The following CTIF variants were observed in gnomAD, a reference collection of about 807,000 sequenced individuals.
The protein encoded by CTIF is CBP80/20-dependent translation initiation factor.
Under a neutral mutation model 66.0 loss-of-function variants are expected in CTIF, and 21 were observed. That is an observed-to-expected ratio of 0.32 (90% CI 0.23 to 0.46). The LOEUF (loss-of-function observed/expected upper bound fraction) is 0.46, where lower values mean the gene tolerates loss of function less well. Among genes scored for constraint, CTIF ranks in the 20% least tolerant of loss-of-function variants. The probability of loss-of-function intolerance (pLI) is 1.00; values close to 1 mark genes in which losing one functional copy is unlikely to be tolerated. For synonymous variants in CTIF, 345 were observed against 326.4 expected (o/e 1.06, Z -0.62); for missense variants, 739 against 812.7 (o/e 0.91, Z 1.10).
intron 7 of CTIF, among the ~76,000 whole-genome samples, chr18:48,721,771 A>T (rs1250189620): frequency 6.7e-6 from 1 of 149,964 alleles, no homozygotes; most frequent in Non-Finnish European, 1.5e-5. Flanking sequence ...CTGTCCTGAC[A>T]CTCACTCCTG....
chr18:48,623,438 C>T (rs1199776643), intron 2 of CTIF, among the ~76,000 whole-genome samples: 2 of 152,104 alleles, frequency 1.3e-5, no homozygotes, highest in Admixed American at 1.3e-4. Flanking sequence ...GGCCCACTCT[C>T]AGGAAGGCCA....
At chr18:48,765,907 ATTTC>A (rs1371269567) in intron 9 of CTIF, among the ~76,000 whole-genome samples, 1 of 132,910 alleles carries the variant, frequency 7.5e-6, no homozygotes, top group African/African-American at 3.1e-5. Flanking sequence ...TTAAACAGAC[ATTTC>A]TTTTTTTTTT....
At chr18:48,739,840 C>T (rs940715449) in intron 7 of CTIF, among the ~76,000 whole-genome samples, 12 of 152,190 alleles carry the variant, frequency 7.9e-5, no homozygotes, top group African/African-American at 1.9e-4. Flanking sequence ...AATATTTACC[C>T]GTCGGCTCCT....
intron 2 of CTIF, among the ~76,000 whole-genome samples, chr18:48,626,000 C>CTTT (rs74174709): frequency 0.04 from 4,371 of 108,980 alleles, 197 homozygotes; most frequent in South Asian, 0.11. Context: ...CTTTTTCTTT[C>CTTT]TTTTTTTTTT....
intron 1 of CTIF, among the ~76,000 whole-genome samples, chr18:48,571,712 G>A (rs1256703511): frequency 2.0e-5 from 3 of 151,912 alleles, no homozygotes; most frequent in South Asian, 4.2e-4. Context: ...CCCTATTTCT[G>A]GATGTTTGGG....
intron 9 of CTIF, among the ~76,000 whole-genome samples, chr18:48,787,389 A>C (rs1911808844): frequency 6.6e-6 from 1 of 152,140 alleles, no homozygotes; most frequent in Non-Finnish European, 1.5e-5. Context: ...AAGGGAGAGA[A>C]GGAGGAAGGG....
intron 1 of CTIF, among the ~76,000 whole-genome samples, chr18:48,582,856 T>C (rs915065492): frequency 2.0e-5 from 3 of 152,104 alleles, no homozygotes; most frequent in Non-Finnish European, 4.4e-5. Flanking sequence ...CCACATCTAG[T>C]GAGGGGCAGA....
intron 6 of CTIF, among the ~76,000 whole-genome samples, chr18:48,680,353 G>A (rs1201946585): frequency 4.6e-5 from 7 of 152,238 alleles, no homozygotes; most frequent in African/African-American, 7.2e-5. Context: ...AGGGAGCTGG[G>A]ACAGTAGGCT....
chr18:48,646,397 T>C (rs913184604), intron 3 of CTIF, among the ~76,000 whole-genome samples: 5 of 151,320 alleles, frequency 3.3e-5, no homozygotes, highest in Non-Finnish European at 7.4e-5. Context: ...ATCAGAATGG[T>C]TAAAATAATT....
intron 2 of CTIF, among the ~76,000 whole-genome samples, chr18:48,627,373 TAGA>T (rs544791863): frequency 1.4e-3 from 217 of 152,158 alleles, no homozygotes; most frequent in Non-Finnish European, 1.3e-3. Flanking sequence ...AATGGGATGT[TAGA>T]AGGTGATGAA....
chr18:48,704,995 G>A (rs754144697), intron 6 of CTIF, among the ~76,000 whole-genome samples: 2 of 152,168 alleles, frequency 1.3e-5, no homozygotes, highest in African/African-American at 4.8e-5. Flanking sequence ...AGTGCATGCT[G>A]ACCACCTCGG....
chr18:48,557,497 C>T (rs2089050782), intron 1 of CTIF, among the ~76,000 whole-genome samples: 1 of 152,198 alleles, frequency 6.6e-6, no homozygotes, highest in African/African-American at 2.4e-5. Flanking sequence ...CGTGGAGAGA[C>T]CTGTCCTGGG....
chr18:48,714,379 T>TCC (rs36117762), intron 7 of CTIF, among the ~76,000 whole-genome samples: 1 of 151,958 alleles, frequency 6.6e-6, no homozygotes, highest in East Asian at 1.9e-4. Context: ...GCCTCTGATC[T>TCC]CCCCCCACCA....
intron 7 of CTIF, among the ~76,000 whole-genome samples, chr18:48,744,653 CA>C (rs1451077089): frequency 6.6e-6 from 1 of 152,016 alleles, no homozygotes; most frequent in East Asian, 1.9e-4. Flanking sequence ...GACTTTTTTT[CA>C]TAACCACAAT....
intron 6 of CTIF, among the ~76,000 whole-genome samples, chr18:48,701,141 A>C (rs1598894707): frequency 6.6e-6 from 1 of 152,186 alleles, no homozygotes; most frequent in African/African-American, 2.4e-5. Context: ...GCCAGGACAC[A>C]GGCCATATGT....
chr18:48,558,392 A>G (rs1004933063), intron 1 of CTIF, among the ~76,000 whole-genome samples: 86 of 152,224 alleles, frequency 5.6e-4, no homozygotes, highest in African/African-American at 1.9e-3. Context: ...AGAAAACTCC[A>G]AGGTAGTGAA....
At chr18:48,719,125 G>C (rs182722785) in intron 7 of CTIF, among the ~76,000 whole-genome samples, 1 of 152,264 alleles carries the variant, frequency 6.6e-6, no homozygotes, top group Non-Finnish European at 1.5e-5. Flanking sequence ...TATGCTTCTA[G>C]AATTGTCTTT....
rs371072594 is a variant in CTIF, at chr18:48,578,396, G to T, written c.-29+39084G>T. On this transcript the variant is annotated intron_variant, in intron 1 of 11. Transcript: ENST00000256413. ...ACTCTATATTAACCTTTTGAAGAAC[G>T]CCAGGTTGTATTTCAAAATGGCTGC... is the stretch of plus-strand genomic sequence containing the variant. 1.2e-3 allele frequency among the ~76,000 whole-genome samples: 179 copies of T among 152,204 alleles called. 4 individuals are homozygous for T. The South Asian group carries it at 0.036, about 30-fold the overall frequency.
chr18:48,767,254 C>T (rs1045722569), intron 9 of CTIF, among the ~76,000 whole-genome samples: 6 of 152,142 alleles, frequency 3.9e-5, no homozygotes, highest in African/African-American at 7.2e-5. Flanking sequence ...TGATACAGGG[C>T]GGTGAAGGGG....
Sources: allele counts gnomAD v4.1 joint callset (sites outside exome capture counted in the v4.1 genomes callset), GRCh38; gene constraint gnomAD v4.1.1; transcripts MANE v1.5; gene names NCBI Gene and HGNC (gene_info 2026-07-23, HGNC 2026-07-21).